Variants in RBFOX1 observed in about 807,000 individuals in gnomAD.
RBFOX1 encodes RNA binding protein fox-1 homolog 1.
In RBFOX1, 8 loss-of-function variants were observed where a neutral mutation model predicts 57.7. That is an observed-to-expected ratio of 0.14 (90% CI 0.08 to 0.25). The LOEUF (loss-of-function observed/expected upper bound fraction) is 0.25, where lower values mean the gene tolerates loss of function less well. RBFOX1 is among the 10% of genes least tolerant of loss of function. The pLI, the probability that RBFOX1 is intolerant of heterozygous loss-of-function variation, is 1.00. For synonymous variants in RBFOX1, 326 were observed against 222.4 expected, an observed-to-expected ratio of 1.47 and a Z score of -4.15; for missense variants, 611 against 548.5, an observed-to-expected ratio of 1.11 and a Z score of -1.14.
chr16:5,606,321 TC>T (rs1481572651), intron 3 of RBFOX1, among the ~76,000 whole-genome samples: 2 of 152,080 alleles, frequency 1.3e-5, no homozygotes, highest in Non-Finnish European at 2.9e-5. Flanking sequence ...GCTTGAATTC[TC>T]CCCTCAGATC....
chr16:6,613,042 T>TGA (rs1331628311), intron 2 of RBFOX1, among the ~76,000 whole-genome samples: 3 of 145,808 alleles, frequency 2.1e-5, no homozygotes, highest in Non-Finnish European at 4.5e-5. Flanking sequence ...TGTGTGTGTG[T>TGA]GAGTGTGTGT....
intron 3 of RBFOX1, among the ~76,000 whole-genome samples, chr16:6,905,037 A>AG: frequency 6.6e-6 from 1 of 152,286 alleles, no homozygotes. Flanking sequence ...GAATTTTTCA[A>AG]GTTGTACAAA....
intron 2 of RBFOX1, among the ~76,000 whole-genome samples, chr16:5,506,529 C>T (rs955605519): frequency 6.6e-6 from 1 of 152,220 alleles, no homozygotes; most frequent in Non-Finnish European, 1.5e-5. Context: ...GGCTTCTGCT[C>T]ACCCTGCAGC....
At chr16:5,698,074 G>C (rs959826746) in intron 3 of RBFOX1, among the ~76,000 whole-genome samples, 1 of 151,928 alleles carries the variant, frequency 6.6e-6, no homozygotes, top group African/African-American at 2.4e-5. Context: ...TTGGATTTTT[G>C]GACTAAACAT....
At chr16:7,189,425 C>CAA (rs1159617665) in intron 4 of RBFOX1, among the ~76,000 whole-genome samples, 1,012 of 66,912 alleles carry the variant, frequency 0.015, 38 homozygotes, top group Admixed American at 0.039. Context: ...GACTCCCTCT[C>CAA]AAAAAAAAAA....
chr16:6,989,294 C>T (rs1008170655), intron 3 of RBFOX1, among the ~76,000 whole-genome samples: 1 of 152,124 alleles, frequency 6.6e-6, no homozygotes, highest in Non-Finnish European at 1.5e-5. Context: ...GATAATTTGT[C>T]TATGAAGATA....
intron 4 of RBFOX1, among the ~76,000 whole-genome samples, chr16:7,381,958 T>C (rs972633153): frequency 6.6e-6 from 1 of 152,162 alleles, no homozygotes; most frequent in South Asian, 2.1e-4. Context: ...CACTGTCCCC[T>C]GGGGGATGAA....
At chr16:6,501,552 G>C (rs374646874) in intron 2 of RBFOX1, among the ~76,000 whole-genome samples, 1 of 151,882 alleles carries the variant, frequency 6.6e-6, no homozygotes, top group African/African-American at 2.4e-5. Flanking sequence ...TTGGACATTT[G>C]GGTTGGTTCC....
chr16:6,586,907 T>C (rs1424765860), intron 2 of RBFOX1, among the ~76,000 whole-genome samples: 1 of 152,234 alleles, frequency 6.6e-6, no homozygotes, highest in African/African-American at 2.4e-5. Context: ...CTAAAAATTG[T>C]ATATTATGTA....
At chr16:6,586,666 G>A (rs1461162121) in intron 2 of RBFOX1, among the ~76,000 whole-genome samples, 1 of 152,102 alleles carries the variant, frequency 6.6e-6, no homozygotes, top group Admixed American at 6.6e-5. Context: ...CCTTAAAGTG[G>A]CAAGATGGCT....
At chr16:7,460,648 T>G (rs911605897) in intron 4 of RBFOX1, among the ~76,000 whole-genome samples, 2 of 151,444 alleles carry the variant, frequency 1.3e-5, no homozygotes, top group African/African-American at 4.9e-5. Flanking sequence ...TGAAATAATC[T>G]GCACAACAAA....
chr16:7,236,508 C>T (rs771702612), intron 4 of RBFOX1, among the ~76,000 whole-genome samples: 4 of 152,052 alleles, frequency 2.6e-5, no homozygotes, highest in African/African-American at 4.8e-5. Context: ...CATCCCATTG[C>T]CATTAGGATT....
At chr16:6,246,193 G>A (rs74857222) in intron 1 of RBFOX1, among the ~76,000 whole-genome samples, 2,162 of 152,276 alleles carry the variant, frequency 0.014, 31 homozygotes, top group Middle Eastern at 0.065. Flanking sequence ...GACTCGTGAA[G>A]TAAGGGTGTC....
chr16:7,285,791 C>T (rs2095639632), intron 4 of RBFOX1, among the ~76,000 whole-genome samples: 1 of 152,192 alleles, frequency 6.6e-6, no homozygotes, highest in South Asian at 2.1e-4. Context: ...TATTGATGGA[C>T]ATCTGGACTA....
At chr16:5,840,736 C>T (rs978518198) in intron 3 of RBFOX1, among the ~76,000 whole-genome samples, 12 of 152,134 alleles carry the variant, frequency 7.9e-5, no homozygotes, top group African/African-American at 2.7e-4. Flanking sequence ...TCTCACAGCA[C>T]ACTGGCTTTA....
intron 1 of RBFOX1, among the ~76,000 whole-genome samples, chr16:6,110,574 G>A (rs1195678388): frequency 6.6e-6 from 1 of 152,138 alleles, no homozygotes; most frequent in East Asian, 1.9e-4. Flanking sequence ...CTCCAATTAA[G>A]ATGGATCCAT....
At chr16:5,451,906 C>G (rs933643385) in intron 1 of RBFOX1, among the ~76,000 whole-genome samples, 1 of 152,138 alleles carries the variant, frequency 6.6e-6, no homozygotes, top group Admixed American at 6.5e-5. Context: ...CCTTCCCTAC[C>G]TCTGGGCTTC....
chr16:6,818,315 A>C (rs2090555856), intron 3 of RBFOX1, among the ~76,000 whole-genome samples: 1 of 152,128 alleles, frequency 6.6e-6, no homozygotes, highest in Admixed American at 6.5e-5. Flanking sequence ...TATGAGAATC[A>C]TGGTTTCTAA....
intron 1 of RBFOX1, among the ~76,000 whole-genome samples, chr16:5,246,968 G>A (rs546273659): frequency 6.6e-6 from 1 of 152,156 alleles, no homozygotes; most frequent in Admixed American, 6.5e-5. Flanking sequence ...ACCATGCCTC[G>A]CTGAGTTCAA....
Sources: allele counts gnomAD v4.1 joint callset (sites outside exome capture counted in the v4.1 genomes callset), GRCh38; gene constraint gnomAD v4.1.1; transcripts MANE v1.5; gene names NCBI Gene and HGNC (gene_info 2026-07-23, HGNC 2026-07-21).